Variants in LRRC4C observed in about 807,000 individuals in gnomAD.
LRRC4C encodes leucine-rich repeat-containing protein 4C.
LRRC4C carries 5 observed loss-of-function variants against 33.6 expected under a neutral mutation model. That is an observed-to-expected ratio of 0.15 (90% CI 0.08 to 0.31). LRRC4C has a LOEUF of 0.31. Ranked by LOEUF, LRRC4C falls within the 10% of genes least tolerant of loss-of-function variation. The pLI is 1.00. For missense variants in LRRC4C, 560 were observed against 796.7 expected (o/e 0.70, Z 3.58); for synonymous variants, 329 against 302.0 (o/e 1.09, Z -0.93).
At chr11:40,618,586 T>C (rs1962112959) in intron 3 of LRRC4C, among the ~76,000 whole-genome samples, 1 of 151,792 alleles carries the variant, frequency 6.6e-6, no homozygotes, top group South Asian at 2.1e-4. Flanking sequence ...CCTAGCCCCA[T>C]TACCTAACAC....
chr11:40,464,747 A>C (rs1952570814), intron 3 of LRRC4C, among the ~76,000 whole-genome samples: 1 of 151,868 alleles, frequency 6.6e-6, no homozygotes. Context: ...TAAACAAATA[A>C]ATAAAACATA....
chr11:40,574,799 T>C (rs936691686), intron 3 of LRRC4C, among the ~76,000 whole-genome samples: 2 of 152,164 alleles, frequency 1.3e-5, no homozygotes, highest in African/African-American at 4.8e-5. Flanking sequence ...GGTTTATTCA[T>C]TCAATTTCTT....
intron 2 of LRRC4C, among the ~76,000 whole-genome samples, chr11:40,825,962 T>C (rs1181608122): frequency 6.9e-6 from 1 of 145,964 alleles, no homozygotes; most frequent in Non-Finnish European, 1.5e-5. Flanking sequence ...GTCTCACATA[T>C]ATTCAATGAG....
intron 1 of LRRC4C, among the ~76,000 whole-genome samples, chr11:41,289,488 T>C (rs984491358): frequency 1.3e-5 from 2 of 152,046 alleles, no homozygotes; most frequent in Admixed American, 6.6e-5. Context: ...GAAATCATAG[T>C]GTTGGATTCT....
At chr11:41,235,779 G>A (rs1466631051) in intron 1 of LRRC4C, among the ~76,000 whole-genome samples, 1 of 151,998 alleles carries the variant, frequency 6.6e-6, no homozygotes, top group Non-Finnish European at 1.5e-5. Context: ...GTCTTATATG[G>A]GATTTATATG....
intron 5 of LRRC4C, among the ~76,000 whole-genome samples, chr11:40,224,986 T>C (rs1864679535): frequency 6.6e-6 from 1 of 152,190 alleles, no homozygotes; most frequent in Non-Finnish European, 1.5e-5. Flanking sequence ...CAATAACCCA[T>C]AATAAGCTGC....
chr11:40,837,415 G>C (rs1395258985), intron 2 of LRRC4C, among the ~76,000 whole-genome samples: 1 of 151,878 alleles, frequency 6.6e-6, no homozygotes, highest in African/African-American at 2.4e-5. Context: ...TTCTTCCATA[G>C]GTACAATAAT....
chr11:40,716,669 C>T (rs1564970517), intron 2 of LRRC4C, among the ~76,000 whole-genome samples: 1 of 152,154 alleles, frequency 6.6e-6, no homozygotes, highest in Non-Finnish European at 1.5e-5. Context: ...TCCTGAAAAT[C>T]TCAATACCTC....
intron 3 of LRRC4C, among the ~76,000 whole-genome samples, chr11:40,639,531 A>T (rs1368158171): frequency 6.6e-6 from 1 of 152,222 alleles, no homozygotes; most frequent in East Asian, 1.9e-4. Context: ...TGAAATAAAC[A>T]CCCATTCGCT....
intron 5 of LRRC4C, among the ~76,000 whole-genome samples, chr11:40,142,297 A>C (rs938127270): frequency 2.0e-5 from 3 of 151,728 alleles, no homozygotes; most frequent in East Asian, 3.9e-4. Flanking sequence ...AAAAAAAAAA[A>C]AAAAAAACCT....
chr11:41,431,150 A>G (rs1955219846), intron 1 of LRRC4C, among the ~76,000 whole-genome samples: 1 of 152,152 alleles, frequency 6.6e-6, no homozygotes, highest in Admixed American at 6.6e-5. Flanking sequence ...TCTACTGTAT[A>G]AACACCATTT....
At chr11:41,203,625 T>C (rs1027842414) in intron 1 of LRRC4C, among the ~76,000 whole-genome samples, 1 of 152,212 alleles carries the variant, frequency 6.6e-6, no homozygotes, top group African/African-American at 2.4e-5. Context: ...AGCCAGATTG[T>C]CTGATTACAA....
chr11:40,989,177 A>G (rs531724740), intron 1 of LRRC4C, among the ~76,000 whole-genome samples: 7 of 152,342 alleles, frequency 4.6e-5, no homozygotes, highest in African/African-American at 1.7e-4. Flanking sequence ...CAAAGGACAC[A>G]CAATAAGCTC....
chr11:41,178,272 C>T (rs940669984), intron 1 of LRRC4C, among the ~76,000 whole-genome samples: 1 of 152,164 alleles, frequency 6.6e-6, no homozygotes, highest in African/African-American at 2.4e-5. Flanking sequence ...TTCTTAAATG[C>T]TTACCCATAA....
chr11:41,295,803 T>A (rs1950125143), intron 1 of LRRC4C, among the ~76,000 whole-genome samples: 2 of 152,226 alleles, frequency 1.3e-5, no homozygotes, highest in African/African-American at 4.8e-5. Flanking sequence ...AGTGGTTCTG[T>A]GAGGGAAGGG....
At chr11:41,416,390 G>A (rs899270026) in intron 1 of LRRC4C, among the ~76,000 whole-genome samples, 1 of 151,900 alleles carries the variant, frequency 6.6e-6, no homozygotes, top group Non-Finnish European at 1.5e-5. Flanking sequence ...GAGGTCAAAA[G>A]GGTAAATGCA....
intron 5 of LRRC4C, among the ~76,000 whole-genome samples, chr11:40,238,496 T>C (rs1335564250): frequency 1.3e-5 from 2 of 152,128 alleles, no homozygotes; most frequent in Non-Finnish European, 2.9e-5. Context: ...ACAATCAGAA[T>C]TCAGAGGAGC....
intron 3 of LRRC4C, among the ~76,000 whole-genome samples, chr11:40,629,579 G>T (rs1444501791): frequency 6.6e-6 from 1 of 152,168 alleles, no homozygotes. Flanking sequence ...CTGCTGACAA[G>T]AATGGATTCA....
intron 2 of LRRC4C, among the ~76,000 whole-genome samples, chr11:40,743,004 T>C (rs781317319): frequency 6.6e-6 from 1 of 152,056 alleles, no homozygotes; most frequent in Non-Finnish European, 1.5e-5. Context: ...CTCATCTGAA[T>C]CTACAACTTG....
Sources: allele counts gnomAD v4.1 joint callset (sites outside exome capture counted in the v4.1 genomes callset), GRCh38; gene constraint gnomAD v4.1.1; transcripts MANE v1.5; gene names NCBI Gene and HGNC (gene_info 2026-07-23, HGNC 2026-07-21).